Variants in NCKAP5 observed in about 807,000 individuals in gnomAD.
The protein encoded by NCKAP5 is nck-associated protein 5.
Under a neutral mutation model 167.0 loss-of-function variants are expected in NCKAP5, and 92 were observed. The observed-to-expected ratio is 0.55, with a 90% CI of 0.47 to 0.66. The LOEUF (loss-of-function observed/expected upper bound fraction) is 0.66. Among genes scored for constraint, NCKAP5 ranks in the 30% least tolerant of loss-of-function variants. NCKAP5 has a pLI of 0.00. For synonymous variants in NCKAP5, 891 were observed against 877.4 expected, an observed-to-expected ratio of 1.02 and a Z score of -0.27; for missense variants, 2,378 against 2,315.0, an observed-to-expected ratio of 1.03 and a Z score of -0.56.
intron 2 of NCKAP5, among the ~76,000 whole-genome samples, chr2:133,557,455 C>T (rs1484384156): frequency 1.8e-4 from 28 of 152,046 alleles, no homozygotes; most frequent in Non-Finnish European, 1.5e-4. Context: ...CTCGCCTGCC[C>T]AGGTTTTCTA....
At chr2:133,015,625 T>C (rs76048682) in intron 6 of NCKAP5, among the ~76,000 whole-genome samples, 193 of 152,328 alleles carry the variant, frequency 1.3e-3, no homozygotes, top group African/African-American at 4.5e-3. Flanking sequence ...GGAGTGGACA[T>C]TGTATTTCCA....
In NCKAP5 at chr2:132,822,695, T is replaced by A. The variant is rs149264754; in HGVS notation, c.808-25966A>T. On this transcript the variant is annotated intron_variant, in intron 11 of 19. Transcript: ENST00000409261. ...ATCACACCAGCTCCCCAGCAATGGA[T>A]CCAAACTAAGAAGAAATCTCTGAAT... Among the ~76,000 whole-genome samples, 956 of 152,184 alleles carry A rather than the reference T, an allele frequency of 6.3e-3. 13 individuals carry two copies. Among genetic ancestry groups the A allele is most frequent in the African/African-American group, 0.022 (912 of 41,516 alleles).
chr2:133,513,358 A>C (rs977873436), intron 3 of NCKAP5, among the ~76,000 whole-genome samples: 4 of 152,224 alleles, frequency 2.6e-5, no homozygotes, highest in Admixed American at 2.6e-4. Context: ...TGAGAGTGGG[A>C]GAACAAACAC....
At chr2:132,837,233 T>C (rs1309366493) in intron 11 of NCKAP5, among the ~76,000 whole-genome samples, 1 of 152,190 alleles carries the variant, frequency 6.6e-6, no homozygotes, top group East Asian at 1.9e-4. Flanking sequence ...ATATACCTGC[T>C]GTGGATGTGT....
chr2:133,109,918 A>T (rs749010564), intron 6 of NCKAP5, among the ~76,000 whole-genome samples: 4 of 152,242 alleles, frequency 2.6e-5, no homozygotes, highest in Admixed American at 6.5e-5. Flanking sequence ...TGGGCATTCA[A>T]GTAAATAAAT....
intron 5 of NCKAP5, among the ~76,000 whole-genome samples, chr2:133,133,245 A>G (rs2149807442): frequency 6.6e-6 from 1 of 152,336 alleles, no homozygotes; most frequent in Middle Eastern, 3.4e-3. Context: ...TCTGGGTTAC[A>G]AATCTGACAG....
intron 8 of NCKAP5, among the ~76,000 whole-genome samples, chr2:132,890,951 T>A (rs1212329044): frequency 2.0e-5 from 3 of 152,150 alleles, no homozygotes; most frequent in African/African-American, 4.8e-5. Flanking sequence ...GAAGGCATCC[T>A]CACAATGTCC....
rs535814736 is a variant in NCKAP5 at position 133,094,582 on chromosome 2, G to A, written c.341+35396C>T. Among the ~76,000 whole-genome samples, 121 of 152,182 alleles carry A rather than the reference G, an allele frequency of 8.0e-4. 2 individuals are homozygous for A. The South Asian group carries it at 8.5e-3, about 11-fold the overall frequency. ...TATGTGTTTACATATGTGGTGGGCG[G>A]AATTGTCAAATGCTCCCCTAAAATG... On this transcript the variant is annotated intron_variant, in intron 6 of 19. Transcript: ENST00000409261.
intron 6 of NCKAP5, among the ~76,000 whole-genome samples, chr2:133,112,438 C>A (rs1451633076): frequency 1.3e-5 from 2 of 151,844 alleles, no homozygotes; most frequent in Non-Finnish European, 2.9e-5. Context: ...CGCACCACTG[C>A]ACTCCAGCCT....
At chr2:133,250,782 T>C (rs111578277) in intron 4 of NCKAP5, among the ~76,000 whole-genome samples, 231 of 152,092 alleles carry the variant, frequency 1.5e-3, no homozygotes, top group African/African-American at 5.3e-3. Context: ...TACAAAAAAT[T>C]AGTTGTGCAT....
intron 3 of NCKAP5, among the ~76,000 whole-genome samples, chr2:133,361,626 C>T (rs1410459538): frequency 6.6e-6 from 1 of 152,120 alleles, no homozygotes; most frequent in African/African-American, 2.4e-5. Flanking sequence ...ATGGAATATT[C>T]CTGCCACAAG....
intron 7 of NCKAP5, among the ~76,000 whole-genome samples, chr2:132,973,701 A>G (rs1457274970): frequency 2.6e-5 from 4 of 151,940 alleles, no homozygotes; most frequent in Admixed American, 6.6e-5. Flanking sequence ...GTGTATTTCT[A>G]TCTTCCCATT....
At chr2:133,094,474 C>T (rs1040830119) in intron 6 of NCKAP5, among the ~76,000 whole-genome samples, 2 of 152,186 alleles carry the variant, frequency 1.3e-5, no homozygotes, top group Non-Finnish European at 2.9e-5. Flanking sequence ...TCCCCGGAAA[C>T]AACTCCTTAT....
At chr2:133,110,672 C>G (rs1031943236) in intron 6 of NCKAP5, among the ~76,000 whole-genome samples, 5 of 152,168 alleles carry the variant, frequency 3.3e-5, no homozygotes, top group African/African-American at 1.2e-4. Context: ...TCACACATAA[C>G]CTATGGCTTT....
the NCKAP5 span, among the ~76,000 whole-genome samples, chr2:133,649,977 T>A: frequency 2.0e-5 from 3 of 151,884 alleles, no homozygotes; most frequent in South Asian, 2.1e-4. Flanking sequence ...CCAAAAAAAA[T>A]AAATAAATAA....
chr2:133,596,436 T>C, the NCKAP5 span: 4 of 152,062 alleles, frequency 2.6e-5, no homozygotes, highest in African/African-American at 9.7e-5. Context: ...GCACTGAAGG[T>C]AGAGGCACCA....
intron 5 of NCKAP5, among the ~76,000 whole-genome samples, chr2:133,188,809 C>G (rs1197336714): frequency 6.6e-6 from 1 of 152,098 alleles, no homozygotes. Context: ...ATTTATAGCA[C>G]TAAATGCCCA....
At chr2:133,216,808 G>A (rs2086447674) in intron 4 of NCKAP5, among the ~76,000 whole-genome samples, 1 of 152,074 alleles carries the variant, frequency 6.6e-6, no homozygotes, top group South Asian at 2.1e-4. Flanking sequence ...AGATCTAGAA[G>A]AAGGAGAGTG....
At chr2:133,439,610 T>A (rs977286188) in intron 3 of NCKAP5, among the ~76,000 whole-genome samples, 3 of 152,188 alleles carry the variant, frequency 2.0e-5, no homozygotes, top group African/African-American at 7.2e-5. Flanking sequence ...AATGTACATA[T>A]GAATATACAT....
Sources: allele counts gnomAD v4.1 joint callset (sites outside exome capture counted in the v4.1 genomes callset), GRCh38; gene constraint gnomAD v4.1.1; transcripts MANE v1.5; gene names NCBI Gene and HGNC (gene_info 2026-07-23, HGNC 2026-07-21).